NUDT12: variants seen among roughly 807,000 people sequenced by gnomAD.
NUDT12 encodes the protein nudix hydrolase 12.
Under a neutral mutation model 45.7 loss-of-function variants are expected in NUDT12, and 42 were observed. That is an observed-to-expected ratio of 0.92 (90% CI 0.72 to 1.19). NUDT12 has a LOEUF of 1.19. Among genes scored for constraint, NUDT12 ranks in the 50% most tolerant of loss-of-function variants. NUDT12 has a pLI of 0.00. For synonymous variants in NUDT12, 206 were observed against 179.7 expected (o/e 1.15, Z -1.17); for missense variants, 590 against 533.1 (o/e 1.11, Z -1.05).
rs1334645872 is a variant in NUDT12 at position 103,562,762 on chromosome 5, C to G, written c.-66G>C. On this transcript the variant is annotated 5_prime_UTR_variant, in exon 1 of 7. Transcript: ENST00000230792. ...AGTCCAAAGATTGGGATATCCCACT[C>G]GCTTTTCCTGGAGCCGGATGCAGTC... The G allele has an allele frequency of 8.1e-6, 1 of 123,270 alleles. No individual in the cohort carries two copies. The highest frequency in any genetic ancestry group is 2.2e-4 in the East Asian group (1 of 4,458). 7.6% of individuals were successfully genotyped at this position (123,270 alleles called of 1,614,324 possible). A position where few individuals can be genotyped will look rare whatever the true frequency, so the allele number is the denominator to read the frequency against.
chr5:103,559,655 A>G (rs1562621023), intron 2 of NUDT12, 187 bp from the exon 3 acceptor site: 1 of 449,088 alleles, frequency 2.2e-6, no homozygotes, highest in East Asian at 3.4e-5. Context: ...ATAAATGACA[A>G]AAAGTTAAGA....
At chr5:103,559,527 C>A in intron 2 of NUDT12, 59 bp from the exon 3 acceptor site, 1 of 825,424 alleles carries the variant, frequency 1.2e-6, no homozygotes. Flanking sequence ...ACACTTTCTC[C>A]GTATTTATTT....
rs1337638886 is a variant in NUDT12, at chr5:103,560,084, C to A, written c.165G>T (p.Arg55Ser). ...ATTGGACTATCTCTGGGTGCCCATT[C>A]CTTGCCGCATACATTAAAGCAGTCC... The part of the protein sequence containing the change: ...NGWTALMYAA[R>S]NGHPEIVQFL... Residue 55 changes from arginine to serine, a missense_variant, in exon 2 of 7, where the codon AGG becomes AGT. Coordinates refer to ENST00000230792, the MANE Select transcript of NUDT12 (RefSeq NM_031438.4). 12 of 1,613,834 alleles carry A rather than the reference C, an allele frequency of 7.4e-6. No homozygotes were observed. In the African/African-American group the frequency reaches 1.2e-4, roughly 16 times the overall value.
chr5:103,554,955 T>C (rs982312116), intron 4 of NUDT12, 102 bp from the exon 5 acceptor site: 2 of 462,890 alleles, frequency 4.3e-6, no homozygotes, highest in African/African-American at 2.0e-5. Flanking sequence ...ATATCTCCTA[T>C]AGGGATAGAA....
At chr5:103,559,757 A>C (rs1201020617) in intron 2 of NUDT12, 1 of 483,820 alleles carries the variant, frequency 2.1e-6, no homozygotes, top group African/African-American at 2.0e-5. Flanking sequence ...AAATTCTACA[A>C]GAAGTCCTTG....
chr5:103,549,584 C>T lies in NUDT12; in HGVS notation c.*1277G>A, dbSNP rs1199084887. The T allele has an allele frequency of 1.3e-5, 2 of 151,882 alleles. No homozygotes were observed. The highest frequency in any genetic ancestry group is 2.9e-5 in the Non-Finnish European group (2 of 67,906). 9.4% of individuals were successfully genotyped at this position (151,882 alleles called of 1,614,324 possible). A position where few individuals can be genotyped will look rare whatever the true frequency, so the allele number is the denominator to read the frequency against. On this transcript the variant is annotated 3_prime_UTR_variant, in exon 7 of 7. Transcript: ENST00000230792. ...GTTGTAATTAGTTATGTAACTTTCACTAATTAGGTAAATTCACCTTTCACA... is the reference window on the plus strand; with the variant it reads ...GTTGTAATTAGTTATGTAACTTTCATTAATTAGGTAAATTCACCTTTCACA...
At chr5:103,559,783 T>G in intron 2 of NUDT12, 1 of 515,822 alleles carries the variant, frequency 1.9e-6, no homozygotes, top group Non-Finnish European at 3.4e-6. Flanking sequence ...CATAGTGAGA[T>G]CTGCATTTTC....
At chr5:103,551,804 TA>T (rs1253041974) in intron 6 of NUDT12, among the ~76,000 whole-genome samples, 1 of 152,184 alleles carries the variant, frequency 6.6e-6, no homozygotes, top group Non-Finnish European at 1.5e-5. Flanking sequence ...TTAAAATGAA[TA>T]AAAACTTTCT....
intron 4 of NUDT12, among the ~76,000 whole-genome samples, chr5:103,555,167 AGTAG>A (rs1748775804): frequency 6.6e-6 from 1 of 152,088 alleles, no homozygotes; most frequent in African/African-American, 2.4e-5. Context: ...AAAAAATTTG[AGTAG>A]GTAATACATG....
In NUDT12 at chr5:103,560,198, G is replaced by A. The variant is rs1246863257; in HGVS notation, c.51C>T (p.His17=). ...SLKQEIVTQF[H]CSAAEGDIAK... ...CAATATCTCCTTCAGCAGCTGAACA[G>A]TGAAACTGAGTAACTATTTCTTGCT... Residue 17 remains histidine, a synonymous_variant, in exon 2 of 7, where the codon CAC becomes CAT. Transcript: ENST00000230792. The A allele has an allele frequency of 2.2e-5, 36 of 1,613,754 alleles. No homozygotes were observed. Among genetic ancestry groups the A allele is most frequent in the Non-Finnish European group, 3.1e-5 (36 of 1,179,768 alleles).
At chr5:103,556,937 A>T (rs528876214) in intron 3 of NUDT12, among the ~76,000 whole-genome samples, 14 of 152,092 alleles carry the variant, frequency 9.2e-5, no homozygotes, top group Non-Finnish European at 2.1e-4. Flanking sequence ...ATGAATAGAC[A>T]ACATTACGTT....
intron 6 of NUDT12, among the ~76,000 whole-genome samples, chr5:103,551,247 A>G (rs1057253695): frequency 6.6e-6 from 1 of 151,996 alleles, no homozygotes; most frequent in African/African-American, 2.4e-5. Context: ...CAGCCTCCCA[A>G]GTAGCTGGTA....
chr5:103,559,342 CGTTAGGAACCA>C lies in NUDT12; in HGVS notation c.322_332del (p.Trp108GlufsTer2). 6.2e-7 allele frequency: 1 copy of C among 1,613,486 alleles called. No homozygotes were observed. The highest frequency in any genetic ancestry group is 1.6e-4 in the Middle Eastern group (1 of 6,062). ...AATTTTCACATTCTTCCACTTCATT[CGTTAGGAACCA>C]AGGCTTCTTCCCACCTTTAGCAGTA... On this transcript the variant is annotated frameshift_variant, in exon 3 of 7. Transcript: ENST00000230792. LOFTEE classifies it high-confidence loss of function.
At position 103,552,218 on chromosome 5, in the gene NUDT12, T is replaced by C. The variant is rs781334219; in HGVS notation, c.1277A>G (p.Gln426Arg). 16 of 1,610,856 alleles carry C rather than the reference T, an allele frequency of 9.9e-6. No individual in the cohort carries two copies. The highest frequency in any genetic ancestry group is 1.4e-5 in the Non-Finnish European group (16 of 1,177,158). ...GAAGGAAATTAAATTGAACTTTACC[T>C]GTTCTCTAGTGAACCAGCGGGCATC... ...IEDARWFTRE[Q>R]VLDVLTKGKQ... is the part of the protein sequence containing the mutation. Residue 426 changes from glutamine (Q) to arginine (R), a missense_variant and splice_region_variant, in exon 6 of 7, where the codon CAG becomes CGG. Gln to Arg is a conservative substitution (Grantham distance 43). Transcript: ENST00000230792.
At chr5:103,560,411 A>G (rs536071398) in intron 1 of NUDT12, among the ~76,000 whole-genome samples, 157 bp from the exon 2 acceptor site, 3 of 152,318 alleles carry the variant, frequency 2.0e-5, no homozygotes, top group South Asian at 2.1e-4. Context: ...CAATTTCAAA[A>G]TGTTATCAGT....
rs1049200923 is a variant in NUDT12 at position 103,560,148 on chromosome 5, T to C, written c.101A>G (p.His34Arg). ...DIAKLTGILS[H>R]SPSLLNETSE... ...AGTTTCATTGAGAAGAGATGGAGAA[T>C]GACTGAGTATTCCTGTTAACTTGGC... is the stretch of plus-strand genomic sequence containing the variant. The change falls in exon 2 of 7, where the codon CAT becomes CGT. Residue 34 changes from histidine to arginine, a missense_variant. By Grantham distance (29) the His-to-Arg change is conservative. Transcript: ENST00000230792. 3 of 1,613,496 alleles carry C rather than the reference T, an allele frequency of 1.9e-6. No individual in the cohort carries two copies. Among genetic ancestry groups the C allele is most frequent in the Middle Eastern group, 3.3e-4 (2 of 6,084 alleles).
rs1336330968 is a variant in NUDT12 at position 103,560,403 on chromosome 5, A to G, written c.-6-149T>C. On this transcript the variant is annotated intron_variant, in intron 1 of 6. Transcript: ENST00000230792. The stretch of plus-strand genomic sequence containing the variant: ...CAATCCTTAAACAGCATACATTTCA[A>G]TTTCAAAATGTTATCAGTTTAGAAT... The G allele has an allele frequency of 6.5e-6, 4 of 614,718 alleles. No individual in the cohort carries two copies. In the South Asian group the frequency reaches 8.0e-5, roughly 12 times the overall value. 38.1% of individuals were successfully genotyped at this position (614,718 alleles called of 1,614,324 possible).
rs775614846 is a variant in NUDT12, at chr5:103,552,236, C to T, written c.1259G>A (p.Arg420His). The change falls in exon 6 of 7, where the codon CGC becomes CAC. Residue 420 changes from arginine (R) to histidine (H), a missense_variant. By Grantham distance (29) the Arg-to-His change is conservative. Transcript: ENST00000230792. ...CTTTACCTGTTCTCTAGTGAACCAG[C>T]GGGCATCCTCTATTTCATTCTTGTC... ...KVDKNEIEDARWFTREQVLDV... is the reference protein window; with the variant it reads ...KVDKNEIEDAHWFTREQVLDV... 69 of 1,612,878 alleles carry T rather than the reference C, an allele frequency of 4.3e-5. No homozygotes were observed. The highest frequency in any genetic ancestry group is 5.7e-5 in the Non-Finnish European group (67 of 1,179,114).
chr5:103,551,019 T>G (rs1220668297), intron 6 of NUDT12, 48 bp from the exon 7 acceptor site: 1 of 1,246,664 alleles, frequency 8.0e-7, no homozygotes, highest in East Asian at 2.3e-5. Context: ...AGCTGTCATA[T>G]TTAAATACTA....
Sources: gnomAD v4.1 joint callset for allele counts (sites outside exome capture counted in the v4.1 genomes callset) on GRCh38, gnomAD v4.1.1 for gene constraint, MANE v1.5 for transcripts, NCBI Gene and HGNC (gene_info 2026-07-23, HGNC 2026-07-21) for gene names.